CEP112: variants seen among roughly 807,000 people sequenced by gnomAD.
CEP112 encodes centrosomal protein of 112 kDa.
Under a neutral mutation model 153.0 loss-of-function variants are expected in CEP112, and 127 were observed. The ratio of observed to expected loss-of-function variants is 0.83; its 90% CI spans 0.72 to 0.96. The LOEUF (loss-of-function observed/expected upper bound fraction) is 0.96. Among genes scored for constraint, CEP112 ranks in the 40% least tolerant of loss-of-function variants. CEP112 has a pLI of 0.00. For synonymous variants in CEP112, 358 were observed against 374.4 expected (o/e 0.96, Z 0.51); for missense variants, 1,089 against 1,101.2 (o/e 0.99, Z 0.16).
intron 24 of CEP112, chr17:65,655,076 A>T: frequency 1.4e-6 from 1 of 690,566 alleles, no homozygotes; most frequent in Non-Finnish European, 2.8e-6. Context: ...ACCTATGATC[A>T]TTGGCACCAA....
At position 66,101,375 on chromosome 17, in the gene CEP112, T is replaced by C. The variant is rs1001317700; in HGVS notation, c.643-4743A>G. Among the ~76,000 whole-genome samples the C allele has an allele frequency of 9.9e-5, 15 of 152,110 alleles. No individual in the cohort carries two copies. The East Asian group carries it at 2.7e-3, about 27-fold the overall frequency. On this transcript the variant is annotated intron_variant, in intron 6 of 26. Transcript: ENST00000535342. ...ATGCAAGAATTCAGAAAATACTGTA[T>C]CACAAGGTCCATTCAGTAGACTCTA...
intron 24 of CEP112, among the ~76,000 whole-genome samples, chr17:65,673,899 TG>T (rs1170374860): frequency 1.3e-5 from 2 of 152,210 alleles, no homozygotes; most frequent in African/African-American, 4.8e-5. Context: ...TTTTTGGAGT[TG>T]GAGTGTCACT....
At chr17:65,772,708 T>C (rs1455107577) in intron 21 of CEP112, among the ~76,000 whole-genome samples, 1 of 152,088 alleles carries the variant, frequency 6.6e-6, no homozygotes, top group Non-Finnish European at 1.5e-5. Context: ...GGTTAGGCAC[T>C]GTATGTTTAC....
At chr17:66,084,750 G>T (rs1369752924) in intron 8 of CEP112, among the ~76,000 whole-genome samples, 2 of 151,756 alleles carry the variant, frequency 1.3e-5, no homozygotes, top group African/African-American at 4.8e-5. Context: ...TAATTTGCTG[G>T]AACAATAAGG....
chr17:66,150,060 ATTTTTTTT>A (rs772359218), intron 4 of CEP112, among the ~76,000 whole-genome samples: 1 of 123,046 alleles, frequency 8.1e-6, no homozygotes, highest in Non-Finnish European at 1.7e-5. Flanking sequence ...TGCCCAGCTA[ATTTTTTTT>A]TTTTTTTTTT....
chr17:66,081,940 A>G (rs2067738189), intron 8 of CEP112, among the ~76,000 whole-genome samples: 2 of 152,170 alleles, frequency 1.3e-5, no homozygotes, highest in African/African-American at 4.8e-5. Context: ...CCTACTTGGC[A>G]TTACACATAA....
At chr17:66,055,579 T>C (rs1011451303) in intron 11 of CEP112, among the ~76,000 whole-genome samples, 4 of 152,154 alleles carry the variant, frequency 2.6e-5, no homozygotes, top group African/African-American at 9.7e-5. Flanking sequence ...TTATATGATG[T>C]AGTGGTTTCC....
intron 23 of CEP112, among the ~76,000 whole-genome samples, chr17:65,719,401 C>T (rs2049740105): frequency 6.6e-6 from 1 of 152,126 alleles, no homozygotes; most frequent in Admixed American, 6.5e-5. Flanking sequence ...ATGTTGAAAC[C>T]CCATCTCTAT....
chr17:66,162,616 T>G (rs886693785), intron 4 of CEP112, among the ~76,000 whole-genome samples: 2 of 152,156 alleles, frequency 1.3e-5, no homozygotes, highest in Non-Finnish European at 1.5e-5. Flanking sequence ...TGCAACAACA[T>G]GGATCAATCT....
At chr17:65,974,238 G>C (rs372406614) in intron 17 of CEP112, among the ~76,000 whole-genome samples, 1 of 133,808 alleles carries the variant, frequency 7.5e-6, no homozygotes, top group African/African-American at 2.5e-5. Context: ...CACCACGCCA[G>C]TTAATTTTTT....
At chr17:66,154,444 G>A (rs1200262385) in intron 4 of CEP112, among the ~76,000 whole-genome samples, 2 of 152,120 alleles carry the variant, frequency 1.3e-5, no homozygotes, top group Admixed American at 1.3e-4. Flanking sequence ...AAGCCCGGGA[G>A]GCAGAGGTTG....
chr17:65,875,064 T>C (rs1209043572), intron 20 of CEP112, among the ~76,000 whole-genome samples: 1 of 152,014 alleles, frequency 6.6e-6, no homozygotes, highest in African/African-American at 2.4e-5. Flanking sequence ...TAGTAAATGA[T>C]GGTATCAAAA....
intron 21 of CEP112, among the ~76,000 whole-genome samples, chr17:65,847,895 G>C (rs1225889925): frequency 6.6e-6 from 1 of 152,140 alleles, no homozygotes; most frequent in Non-Finnish European, 1.5e-5. Context: ...TCTGGAAGAG[G>C]GTGACAGCAG....
At chr17:66,110,659 T>C (rs565883488) in intron 6 of CEP112, among the ~76,000 whole-genome samples, 7 of 149,194 alleles carry the variant, frequency 4.7e-5, no homozygotes, top group Non-Finnish European at 8.9e-5. Context: ...CTAGAAAAGA[T>C]TTGCCAAACA....
At chr17:65,834,755 A>T (rs1330775212) in intron 21 of CEP112, among the ~76,000 whole-genome samples, 1 of 152,182 alleles carries the variant, frequency 6.6e-6, no homozygotes, top group Non-Finnish European at 1.5e-5. Flanking sequence ...GTGGGAGTGT[A>T]AATTAGTTCA....
chr17:65,710,428 C>G (rs2049118645), intron 23 of CEP112, among the ~76,000 whole-genome samples: 1 of 152,096 alleles, frequency 6.6e-6, no homozygotes, highest in Admixed American at 6.6e-5. Context: ...ATGCATCTCT[C>G]TAAGTCACCT....
intron 18 of CEP112, among the ~76,000 whole-genome samples, chr17:65,943,648 C>T (rs1419328334): frequency 6.6e-6 from 1 of 151,506 alleles, no homozygotes; most frequent in East Asian, 1.9e-4. Context: ...AACATTTTTT[C>T]CCTTCATTTC....
intron 17 of CEP112, among the ~76,000 whole-genome samples, chr17:65,992,803 C>A (rs999322370): frequency 3.3e-5 from 5 of 152,116 alleles, no homozygotes; most frequent in Non-Finnish European, 5.9e-5. Context: ...TTTATACTAT[C>A]CCGTTATACT....
intron 15 of CEP112, 79 bp from the exon 16 acceptor site, chr17:66,027,639 A>C (rs2065272302): frequency 2.0e-6 from 2 of 988,244 alleles, no homozygotes; most frequent in Non-Finnish European, 2.7e-6. Context: ...AATTAAATCA[A>C]TCAATCTACT....
Sources: allele counts gnomAD v4.1 joint callset (sites outside exome capture counted in the v4.1 genomes callset), GRCh38; gene constraint gnomAD v4.1.1; transcripts MANE v1.5; gene names NCBI Gene and HGNC (gene_info 2026-07-23, HGNC 2026-07-21).